Variants in C22orf23 observed in about 807,000 individuals in gnomAD.
C22orf23 encodes the protein chromosome 22 open reading frame 23.
A neutral mutation model predicts 29.7 loss-of-function variants in C22orf23; 30 were observed. The ratio of observed to expected loss-of-function variants is 1.01; its 90% confidence interval spans 0.76 to 1.37. C22orf23 has a LOEUF of 1.37. C22orf23 is among the 40% of genes most tolerant of loss of function. The probability of loss-of-function intolerance (pLI) is 0.00; values close to 1 mark genes in which losing one functional copy is unlikely to be tolerated. For synonymous variants in C22orf23, 90 were observed against 96.1 expected, an observed-to-expected ratio of 0.94 and a Z score of 0.37; for missense variants, 237 against 273.1, an observed-to-expected ratio of 0.87 and a Z score of 0.93.
intron 3 of C22orf23, among the ~76,000 whole-genome samples, chr22:37,948,300 A>T (rs1287839744): frequency 6.6e-6 from 1 of 152,036 alleles, no homozygotes; most frequent in Non-Finnish European, 1.5e-5. Context: ...AACAAAAAAA[A>T]TTAGCCAGGC....
At chr22:37,951,213 A>G (rs961627419) in intron 3 of C22orf23, 8 of 319,194 alleles carry the variant, frequency 2.5e-5, no homozygotes, top group Middle Eastern at 9.1e-4. Flanking sequence ...CTCTGTCTCA[A>G]AAAAAAAAAA....
intron 3 of C22orf23, 104 bp from the exon 4 acceptor site, chr22:37,947,567 G>T: frequency 9.9e-7 from 1 of 1,008,084 alleles, no homozygotes; most frequent in Non-Finnish European, 1.4e-6. Context: ...CTGGAGTGCA[G>T]CGGCGCGATC....
At chr22:37,944,587 G>C in intron 5 of C22orf23, 70 bp from the exon 6 acceptor site, 1 of 1,342,694 alleles carries the variant, frequency 7.4e-7, no homozygotes, top group Non-Finnish European at 1.1e-6. Flanking sequence ...CTTGAGGAGA[G>C]GAAGTGGTTC....
chr22:37,945,536 C>A (rs893753932), intron 4 of C22orf23, among the ~76,000 whole-genome samples: 3 of 149,252 alleles, frequency 2.0e-5, no homozygotes, highest in African/African-American at 7.4e-5. Flanking sequence ...ACTCTGTCGC[C>A]CAGACTGGAG....
At position 37,943,362 on chromosome 22, in the gene C22orf23, GGCTCTAGGTC is replaced by G. The variant is rs1188352064; in HGVS notation, c.*803_*812del. 3 of 152,296 alleles carry G rather than the reference GGCTCTAGGTC, an allele frequency of 2.0e-5. No homozygotes were observed. Among genetic ancestry groups the G allele is most frequent in the African/African-American group, 7.2e-5 (3 of 41,568 alleles). 9.4% of individuals were successfully genotyped at this position (152,296 alleles called of 1,614,324 possible). ...GCAGGGATTGGAACTCCCAGGCCAG[GGCTCTAGGTC>G]GCTCCCACCTTTTCATGTTTCTTTC... is the stretch of plus-strand genomic sequence containing the variant. On this transcript the variant is annotated 3_prime_UTR_variant, in exon 7 of 7. Transcript: ENST00000403305.
At chr22:37,944,674 G>C in intron 5 of C22orf23, 157 bp from the exon 6 acceptor site, 1 of 633,596 alleles carries the variant, frequency 1.6e-6, no homozygotes, top group Non-Finnish European at 2.7e-6. Flanking sequence ...GCCAAGGCAG[G>C]TGGATCACGA....
At position 37,947,359 on chromosome 22, in the gene C22orf23, G is replaced by A. The variant is rs748990467; in HGVS notation, c.271C>T (p.Arg91Cys). The change falls in exon 4 of 7, where the codon CGT becomes TGT. Residue 91 changes from arginine (R) to cysteine (C), a missense_variant. Coordinates refer to ENST00000403305, the MANE Select transcript of C22orf23 (RefSeq NM_032561.5). ...PIYLPPILAARPHLRPANMCQ... is the reference protein window; with the variant it reads ...PIYLPPILAACPHLRPANMCQ... ...ATGTTGGCAGGCCGGAGGTGGGGAC[G>A]GGCTGCGAGGATGGGAGGCAGGTAG... 16 of 1,613,786 alleles carry A rather than the reference G, an allele frequency of 9.9e-6. No individual in the cohort carries two copies. Among genetic ancestry groups the A allele is most frequent in the East Asian group, 2.2e-5 (1 of 44,874 alleles).
chr22:37,944,009 G>A lies in C22orf23; in HGVS notation c.*166C>T. Reference sequence around the variant, plus strand: ...GGCTCCATCTGCATTCCGGGGCAGGGGCTAGGCTGCTGAGTATGCCTTGGG... The same window carrying A: ...GGCTCCATCTGCATTCCGGGGCAGGAGCTAGGCTGCTGAGTATGCCTTGGG... On this transcript the variant is annotated 3_prime_UTR_variant, in exon 7 of 7. Coordinates refer to ENST00000403305, the MANE Select transcript of C22orf23 (RefSeq NM_032561.5). 1.5e-6 allele frequency: 1 copy of A among 675,188 alleles called. No individual in the cohort carries two copies. The highest frequency in any genetic ancestry group is 2.7e-6 in the Non-Finnish European group (1 of 375,814). The allele number at this position is 675,188 out of a possible 1,614,324, so 41.8% of individuals were successfully genotyped here.
At chr22:37,949,287 T>G (rs1354465534) in intron 3 of C22orf23, among the ~76,000 whole-genome samples, 1 of 149,644 alleles carries the variant, frequency 6.7e-6, no homozygotes, top group Non-Finnish European at 1.5e-5. Context: ...ATCCATTGTT[T>G]TTTTTTTTTT....
At chr22:37,944,927 G>T in intron 5 of C22orf23, 115 bp downstream of exon 5, 1 of 1,011,278 alleles carries the variant, frequency 9.9e-7, no homozygotes, top group Non-Finnish European at 1.5e-6. Flanking sequence ...AATAAATAGT[G>T]TTTCTCACTT....
At chr22:37,952,895 C>A in intron 2 of C22orf23, 152 bp downstream of exon 2, 1 of 648,360 alleles carries the variant, frequency 1.5e-6, no homozygotes, top group Non-Finnish European at 2.7e-6. Context: ...GTTGCACGCT[C>A]CTTATGAGAA....
chr22:37,946,149 C>G (rs2145693542), intron 4 of C22orf23, among the ~76,000 whole-genome samples: 1 of 151,922 alleles, frequency 6.6e-6, no homozygotes, highest in East Asian at 1.9e-4. Context: ...GTCCCAGCTA[C>G]TCGGGAGGCT....
rs73413999 is a variant in C22orf23 at position 37,943,791 on chromosome 22, C to T, written c.*384G>A. On this transcript the variant is annotated 3_prime_UTR_variant, in exon 7 of 7. Coordinates refer to ENST00000403305, the MANE Select transcript of C22orf23 (RefSeq NM_032561.5). ...ATTGTGGTTGAATACTTGCCTAAGGCGGTAAGAAATCAAATAAGTAAATCC... is the reference window on the plus strand; with the variant it reads ...ATTGTGGTTGAATACTTGCCTAAGGTGGTAAGAAATCAAATAAGTAAATCC... 292 of 241,780 alleles carry T rather than the reference C, an allele frequency of 1.2e-3. 2 individuals carry two copies. Among genetic ancestry groups the T allele is most frequent in the African/African-American group, 6.0e-3 (273 of 45,330 alleles). 15.0% of individuals were successfully genotyped at this position (241,780 alleles called of 1,614,324 possible).
chr22:37,946,132 G>A (rs1930687932), intron 4 of C22orf23, among the ~76,000 whole-genome samples: 1 of 151,866 alleles, frequency 6.6e-6, no homozygotes, highest in African/African-American at 2.4e-5. Flanking sequence ...GATGGCAGGT[G>A]CCTGTAGTCC....
rs746830275 is a variant in C22orf23 at position 37,945,068 on chromosome 22, G to A, written c.455C>T (p.Ala152Val). Residue 152 changes from alanine (A) to valine (V), a missense_variant, in exon 5 of 7, where the codon GCC becomes GTC. Physicochemically the swap from Ala to Val is moderately conservative, Grantham distance 64. Transcript: ENST00000403305. The part of the protein sequence containing the change: ...KAPPARQKAP[A>V]PELDRFEELV... ...CTCTTCAAATCGGTCTAGCTCAGGG[G>A]CTGGAGCCTTCTGTCGTGCAGGAGG... The A allele has an allele frequency of 7.4e-6, 12 of 1,612,960 alleles. No homozygotes were observed. In the South Asian group the frequency reaches 1.1e-4, roughly 15 times the overall value.
rs1382588496 is a variant in C22orf23 at position 37,947,280 on chromosome 22, C to G, written c.349+1G>C. 1 of 1,614,000 alleles carries G rather than the reference C, an allele frequency of 6.2e-7. No individual in the cohort carries two copies. Among genetic ancestry groups the G allele is most frequent in the Non-Finnish European group, 8.5e-7 (1 of 1,179,992 alleles). ...AGGCCCTAGCTGAGACCCTCACTTA[C>G]TGGTGGCTTGAGGCTTGAACTGCTC... On this transcript the variant is annotated splice_donor_variant, in intron 4 of 6. Transcript: ENST00000403305. LOFTEE classifies it high-confidence loss of function.
rs1601856943 is a variant in C22orf23 at position 37,953,104 on chromosome 22, A to G, written c.46T>C (p.Phe16Leu). ...GTGATGGTCTTGGGGCGGCGCCGGAACCCAGTTCCTTTGGTCACTACCTCC... is the reference window on the plus strand; with the variant it reads ...GTGATGGTCTTGGGGCGGCGCCGGAGCCCAGTTCCTTTGGTCACTACCTCC... The part of the protein sequence containing the change: ...QMEVVTKGTG[F>L]RRRPKTITYT... The change falls in exon 2 of 7, where the codon TTC becomes CTC. Residue 16 changes from phenylalanine to leucine, a missense_variant. Physicochemically the swap from Phe to Leu is conservative, Grantham distance 22 (BLOSUM62 0). Transcript: ENST00000403305. 1 of 1,613,766 alleles carries G rather than the reference A, an allele frequency of 6.2e-7. No individual in the cohort carries two copies. The highest frequency in any genetic ancestry group is 1.3e-5 in the African/African-American group (1 of 74,876).
At position 37,953,146 on chromosome 22, in the gene C22orf23, C is replaced by T; in HGVS notation, c.4G>A (p.Ala2Thr). 1 of 1,612,562 alleles carries T rather than the reference C, an allele frequency of 6.2e-7. No individual in the cohort carries two copies. Reference protein sequence around the residue: MASQKQMEVVTK... With the variant: MTSQKQMEVVTK... ...ACTACCTCCATCTGCTTCTGTGAAG[C>T]CATGGGAGGACTCTGAGGAGGGAAA... The change falls in exon 2 of 7, where the codon GCT becomes ACT. Residue 2 changes from alanine (A) to threonine (T), a missense_variant. Ala to Thr is a moderately conservative substitution (Grantham distance 58). Transcript: ENST00000403305.
chr22:37,951,407 A>G, intron 3 of C22orf23, 53 bp downstream of exon 3: 1 of 1,497,124 alleles, frequency 6.7e-7, no homozygotes, highest in Non-Finnish European at 9.3e-7. Flanking sequence ...GAAGCATTAA[A>G]AGTGTGGCCC....
Sources: allele counts gnomAD v4.1 joint callset (sites outside exome capture counted in the v4.1 genomes callset), GRCh38; gene constraint gnomAD v4.1.1; transcripts MANE v1.5; gene names NCBI Gene and HGNC (gene_info 2026-07-23, HGNC 2026-07-21).